NRCAM: variants seen among roughly 807,000 people sequenced by gnomAD.
NRCAM encodes the protein neuronal cell adhesion molecule, also known as NgCAM-related cell adhesion molecule.
NRCAM carries 83 observed loss-of-function variants against 156.5 expected under a neutral mutation model. The observed-to-expected ratio is 0.53, with a 90% CI of 0.44 to 0.64. The LOEUF is 0.64. Ranked by LOEUF, NRCAM falls within the 30% of genes least tolerant of loss-of-function variation. The pLI, the probability that NRCAM is intolerant of heterozygous loss-of-function variation, is 0.00. For synonymous variants in NRCAM, 538 were observed against 563.9 expected (o/e 0.95, Z 0.65); for missense variants, 1,417 against 1,597.3 (o/e 0.89, Z 1.92).
rs2060076928 is a variant in NRCAM, at chr7:108,175,374, CAG to C, written c.3152-19_3152-18del. The C allele has an allele frequency of 6.4e-7, 1 of 1,558,424 alleles. No individual in the cohort carries two copies. Among genetic ancestry groups the C allele is most frequent in the Admixed American group, 1.9e-5 (1 of 52,008 alleles). On this transcript the variant is annotated intron_variant, in intron 27 of 32. Coordinates refer to ENST00000379028, the MANE Select transcript of NRCAM (RefSeq NM_001037132.4). ...GAATACCAGCTTTAATGAAGGGAAA[CAG>C]AAATAGGACACTATATAGTTAGATG...
chr7:108,361,572 A>G (rs2099551419), intron 2 of NRCAM, among the ~76,000 whole-genome samples: 1 of 152,134 alleles, frequency 6.6e-6, no homozygotes, highest in Non-Finnish European at 1.5e-5. Context: ...GAACTGAAAC[A>G]TTGGCTCTTC....
intron 2 of NRCAM, among the ~76,000 whole-genome samples, chr7:108,337,191 A>G (rs1286941055): frequency 2.7e-5 from 4 of 148,574 alleles, no homozygotes; most frequent in Admixed American, 6.8e-5. Flanking sequence ...TGAACCTGGG[A>G]GGCGGAGGTT....
At chr7:108,284,858 C>G (rs537766523) in intron 3 of NRCAM, among the ~76,000 whole-genome samples, 28 of 152,348 alleles carry the variant, frequency 1.8e-4, no homozygotes, top group African/African-American at 5.8e-4. Context: ...GGACACACTT[C>G]TTGTTCTGCT....
chr7:108,293,502 C>A (rs1592029850), intron 3 of NRCAM, among the ~76,000 whole-genome samples: 2 of 152,194 alleles, frequency 1.3e-5, no homozygotes, highest in South Asian at 4.1e-4. Flanking sequence ...GCTGATCTCA[C>A]GTCTCCCCTA....
chr7:108,384,441 T>C (rs762220238), intron 2 of NRCAM, among the ~76,000 whole-genome samples: 10 of 152,080 alleles, frequency 6.6e-5, no homozygotes, highest in Non-Finnish European at 1.0e-4. Flanking sequence ...TCCATATGAA[T>C]TTGAAGGTTG....
rs73414377 is a variant in NRCAM, at chr7:108,240,267, T to C, written c.-106-97A>G. On this transcript the variant is annotated intron_variant, in intron 3 of 32. Coordinates refer to ENST00000379028, the MANE Select transcript of NRCAM (RefSeq NM_001037132.4). ...AGCACAGAGAACTAGCCGTGTATTA[T>C]ACATGAACTCTAAAAGAAAGTTAAC... is the stretch of plus-strand genomic sequence containing the variant. The C allele has an allele frequency of 2.0e-3, 809 of 413,050 alleles. 7 individuals carry two copies. The highest frequency in any genetic ancestry group is 0.015 in the African/African-American group (722 of 48,790). The allele number at this position is 413,050 out of a possible 1,614,324, so 25.6% of individuals were successfully genotyped here.
At position 108,232,436 on chromosome 7, in the gene NRCAM, A is replaced by C; in HGVS notation, c.317T>G (p.Ile106Ser). ...AGCTTTCCCTTCGCTCATGATGTTA[A>C]TTATGAGCGTTCCTGTGCCAGGCTT... ...TMKPGTGTLI[I>S]NIMSEGKAET... Residue 106 changes from isoleucine (I) to serine (S), a missense_variant, in exon 7 of 33, where the codon ATT (isoleucine) becomes AGT (serine). Physicochemically the swap from Ile to Ser is moderately radical, Grantham distance 142 (BLOSUM62 -2). Around this residue, in one of 2 missense-constraint regions of NRCAM, gnomAD observed 1,238 missense variants for 1,336.4 expected, o/e 0.93. Transcript: ENST00000379028. 6.2e-7 allele frequency: 1 copy of C among 1,613,766 alleles called. No homozygotes were observed.
intron 3 of NRCAM, among the ~76,000 whole-genome samples, chr7:108,252,643 G>A (rs1230776365): frequency 7.5e-6 from 1 of 134,174 alleles, no homozygotes; most frequent in African/African-American, 3.2e-5. Context: ...TATAAGAATA[G>A]GAGATAGATA....
intron 30 of NRCAM, among the ~76,000 whole-genome samples, chr7:108,164,827 T>A (rs1310508833): frequency 6.6e-6 from 1 of 152,360 alleles, no homozygotes; most frequent in East Asian, 1.9e-4. Flanking sequence ...TGTGACCTTG[T>A]CCTGTCTCTC....
intron 1 of NRCAM, among the ~76,000 whole-genome samples, chr7:108,452,678 AG>A (rs1320440986): frequency 6.6e-6 from 1 of 152,264 alleles, no homozygotes; most frequent in Non-Finnish European, 1.5e-5. Context: ...TCATTGCAAC[AG>A]CTGAAGACTG....
intron 3 of NRCAM, among the ~76,000 whole-genome samples, chr7:108,304,598 A>C (rs541539462): frequency 5.3e-5 from 8 of 152,270 alleles, no homozygotes; most frequent in African/African-American, 1.7e-4. Flanking sequence ...AGATTCCATA[A>C]ATTAGTATCT....
At chr7:108,380,806 ATAG>A (rs745950079) in intron 2 of NRCAM, among the ~76,000 whole-genome samples, 2 of 152,144 alleles carry the variant, frequency 1.3e-5, no homozygotes, top group Non-Finnish European at 2.9e-5. Flanking sequence ...AGGCTAGCAA[ATAG>A]TAGTTCTAAG....
intron 5 of NRCAM, among the ~76,000 whole-genome samples, chr7:108,235,529 G>C (rs775521270): frequency 9.2e-5 from 14 of 152,142 alleles, no homozygotes; most frequent in African/African-American, 2.2e-4. Context: ...ACTCAGTGCA[G>C]CAAAATGGCT....
chr7:108,185,988 G>C (rs1318969675), intron 20 of NRCAM, among the ~76,000 whole-genome samples: 1 of 152,166 alleles, frequency 6.6e-6, no homozygotes, highest in Non-Finnish European at 1.5e-5. Context: ...GGGAGACAGG[G>C]GCGGGAGGAA....
At chr7:108,327,825 G>A (rs2099086002) in intron 2 of NRCAM, among the ~76,000 whole-genome samples, 1 of 152,168 alleles carries the variant, frequency 6.6e-6, no homozygotes, top group East Asian at 1.9e-4. Flanking sequence ...AATGACAGTA[G>A]ATTCTGCTTT....
chr7:108,261,041 A>G (rs1212791220), intron 3 of NRCAM, among the ~76,000 whole-genome samples: 1 of 152,128 alleles, frequency 6.6e-6, no homozygotes, highest in Non-Finnish European at 1.5e-5. Context: ...ATGGAGGGGA[A>G]GTGAATGTGG....
At chr7:108,442,138 T>C (rs1231644429) in intron 1 of NRCAM, among the ~76,000 whole-genome samples, 2 of 152,152 alleles carry the variant, frequency 1.3e-5, no homozygotes, top group Non-Finnish European at 2.9e-5. Context: ...ATCAGTAGGC[T>C]CAGCCCCCTT....
chr7:108,156,422 T>G, intron 32 of NRCAM: 1 of 984,338 alleles, frequency 1.0e-6, no homozygotes, highest in South Asian at 4.7e-5. Flanking sequence ...TTTTTCTATA[T>G]GCTAGTAAGG....
At chr7:108,362,495 A>G (rs1251998954) in intron 2 of NRCAM, among the ~76,000 whole-genome samples, 3 of 152,260 alleles carry the variant, frequency 2.0e-5, no homozygotes, top group Non-Finnish European at 4.4e-5. Context: ...TCAAGCCTTC[A>G]AAAGACAAGG....
Sources: gnomAD v4.1 joint callset for allele counts (sites outside exome capture counted in the v4.1 genomes callset) on GRCh38, gnomAD v4.1.1 for gene constraint, gnomAD v4.1.1 regional missense constraint, MANE v1.5 for transcripts, NCBI Gene and HGNC (gene_info 2026-07-23, HGNC 2026-07-21) for gene names.